SLC4A1AP: variants seen among roughly 807,000 people sequenced by gnomAD.
SLC4A1AP encodes the protein kanadaptin.
In SLC4A1AP, 64 loss-of-function variants were observed where a neutral mutation model predicts 89.7. That is an observed-to-expected ratio of 0.71 (90% confidence interval 0.58 to 0.88). The LOEUF (loss-of-function observed/expected upper bound fraction) is 0.88, where lower values mean the gene tolerates loss of function less well. Among genes scored for constraint, SLC4A1AP ranks in the 40% least tolerant of loss-of-function variants. The probability of loss-of-function intolerance (pLI) is 0.00; values close to 1 mark genes in which losing one functional copy is unlikely to be tolerated. For synonymous variants in SLC4A1AP, 366 were observed against 353.3 expected, an observed-to-expected ratio of 1.04 and a Z score of -0.40; for missense variants, 931 against 965.0, an observed-to-expected ratio of 0.96 and a Z score of 0.47.
intron 3 of SLC4A1AP, 98 bp from the exon 4 acceptor site, chr2:27,668,745 G>A: frequency 8.7e-7 from 1 of 1,148,996 alleles, no homozygotes; most frequent in Non-Finnish European, 1.3e-6. Flanking sequence ...CCACTGCTAG[G>A]AACTTGTTCG....
chr2:27,688,293 A>G (rs556918108), intron 11 of SLC4A1AP, among the ~76,000 whole-genome samples: 2 of 152,220 alleles, frequency 1.3e-5, no homozygotes, highest in South Asian at 4.1e-4. Flanking sequence ...GGCTGTGCAA[A>G]GCTCTCCACA....
chr2:27,690,405 A>G (rs999230892), intron 12 of SLC4A1AP, among the ~76,000 whole-genome samples: 1 of 152,126 alleles, frequency 6.6e-6, no homozygotes, highest in Non-Finnish European at 1.5e-5. Flanking sequence ...AACATATGGT[A>G]TTTGGTTTTC....
chr2:27,685,641 C>T (rs903967976), intron 10 of SLC4A1AP, among the ~76,000 whole-genome samples: 3 of 152,130 alleles, frequency 2.0e-5, no homozygotes, highest in Non-Finnish European at 4.4e-5. Context: ...GATAAGTCAA[C>T]CCCTATTCAT....
At chr2:27,673,218 T>A (rs1675454460) in intron 5 of SLC4A1AP, among the ~76,000 whole-genome samples, 1 of 152,142 alleles carries the variant, frequency 6.6e-6, no homozygotes, top group South Asian at 2.1e-4. Flanking sequence ...TGTTTAGGAT[T>A]TATCTTTTTA....
chr2:27,691,156 A>G (rs140627716), intron 12 of SLC4A1AP, among the ~76,000 whole-genome samples: 3 of 152,106 alleles, frequency 2.0e-5, no homozygotes, highest in African/African-American at 2.4e-5. Flanking sequence ...CTGACTGTGA[A>G]TCCTTCTGGT....
chr2:27,688,886 T>C (rs369767303), intron 12 of SLC4A1AP, 119 bp downstream of exon 12: 21 of 639,380 alleles, frequency 3.3e-5, no homozygotes, highest in East Asian at 1.2e-4. Flanking sequence ...TCCCCTCTCC[T>C]AGAAATCTAG....
At chr2:27,677,063 C>T (rs989289430) in intron 6 of SLC4A1AP, among the ~76,000 whole-genome samples, 13 of 151,858 alleles carry the variant, frequency 8.6e-5, no homozygotes, top group African/African-American at 2.9e-4. Context: ...CGCTTGAACC[C>T]GGGAGTCGGA....
chr2:27,664,567 T>G lies in SLC4A1AP; in HGVS notation c.815T>G (p.Phe272Cys), dbSNP rs757610967. 8.1e-6 allele frequency: 13 copies of G among 1,609,048 alleles called. No homozygotes were observed. The Admixed American group carries it at 1.7e-4, about 21-fold the overall frequency. ...CGCTTTGGAGGCAGCACCCGGCTCTTTATCCTGCAGGTAGGTAGAAAAACC... is the reference window on the plus strand; with the variant it reads ...CGCTTTGGAGGCAGCACCCGGCTCTGTATCCTGCAGGTAGGTAGAAAAACC... The change falls in exon 1 of 14, where the codon TTT becomes TGT. Residue 272 changes from phenylalanine to cysteine, a missense_variant. Coordinates refer to ENST00000613058, the Ensembl canonical transcript of SLC4A1AP.
At chr2:27,681,644 A>T (rs888718982) in intron 8 of SLC4A1AP, among the ~76,000 whole-genome samples, 7 of 151,890 alleles carry the variant, frequency 4.6e-5, no homozygotes, top group African/African-American at 1.7e-4. Flanking sequence ...CTGCCTTTCT[A>T]ATTTCTACTA....
exon 7 of SLC4A1AP, chr2:27,677,332 A>C: frequency 6.2e-7 from 1 of 1,613,568 alleles, no homozygotes; most frequent in East Asian, 2.2e-5. Context: ...GAACTTTCTG[A>C]AATTTCTGAG....
intron 2 of SLC4A1AP, among the ~76,000 whole-genome samples, chr2:27,666,668 C>A (rs973258751): frequency 3.1e-4 from 47 of 151,226 alleles, no homozygotes; most frequent in African/African-American, 1.0e-3. Flanking sequence ...ATTTTTTTTC[C>A]ACAATGTGGT....
At chr2:27,689,706 A>G (rs1675757504) in intron 12 of SLC4A1AP, among the ~76,000 whole-genome samples, 1 of 152,240 alleles carries the variant, frequency 6.6e-6, no homozygotes, top group Non-Finnish European at 1.5e-5. Flanking sequence ...GGTGTTCAGC[A>G]TGAATCATAT....
chr2:27,665,018 C>T, intron 1 of SLC4A1AP, 82 bp from the exon 2 acceptor site: 1 of 1,131,846 alleles, frequency 8.8e-7, no homozygotes. Flanking sequence ...ATTACAGCCA[C>T]TGCACTCCAG....
chr2:27,680,786 A>AAACAAC (rs34406797), intron 8 of SLC4A1AP, among the ~76,000 whole-genome samples: 188 of 147,480 alleles, frequency 1.3e-3, no homozygotes, highest in African/African-American at 2.5e-3. Context: ...CTGCTTTGGA[A>AAACAAC]AACAACAACA....
chr2:27,664,614 A>C, intron 1 of SLC4A1AP, 37 bp downstream of exon 1: 1 of 1,473,596 alleles, frequency 6.8e-7, no homozygotes, highest in Non-Finnish European at 9.4e-7. Context: ...TTTCGGGTTC[A>C]TTGGACTGCG....
chr2:27,689,280 A>G (rs573486448), intron 12 of SLC4A1AP, among the ~76,000 whole-genome samples: 82 of 152,178 alleles, frequency 5.4e-4, no homozygotes, highest in Non-Finnish European at 1.0e-3. Context: ...AATCTTGTAT[A>G]TATATAATTT....
chr2:27,682,416 T>A, intron 9 of SLC4A1AP, 57 bp downstream of exon 9: 1 of 1,072,034 alleles, frequency 9.3e-7, no homozygotes, highest in Non-Finnish European at 1.4e-6. Flanking sequence ...CTGAGCTAAT[T>A]TTTCTCTTTT....
chr2:27,664,290 A>G (rs1368251873), exon 1 of SLC4A1AP: 2 of 1,614,044 alleles, frequency 1.2e-6, no homozygotes, highest in Non-Finnish European at 1.7e-6. Context: ...TATCCTTGGC[A>G]CCCGTAGCTT....
At chr2:27,663,922 A>C in exon 1 of SLC4A1AP, 1 of 1,614,162 alleles carries the variant, frequency 6.2e-7, no homozygotes, top group Non-Finnish European at 8.5e-7. Flanking sequence ...AGGATGGCTG[A>C]CATTCTCTCT....
Sources: gnomAD v4.1 joint callset for allele counts (sites outside exome capture counted in the v4.1 genomes callset) on GRCh38, gnomAD v4.1.1 for gene constraint, MANE v1.5 for transcripts, NCBI Gene and HGNC (gene_info 2026-07-23, HGNC 2026-07-21) for gene names.